ZNF385D: variants seen among roughly 807,000 people sequenced by gnomAD.
ZNF385D encodes the protein zinc finger protein 659.
Under a neutral mutation model 35.8 loss-of-function variants are expected in ZNF385D, and 15 were observed. That is an observed-to-expected ratio of 0.42 (90% CI 0.28 to 0.64). The LOEUF (loss-of-function observed/expected upper bound fraction) is 0.64. ZNF385D is among the 30% of genes least tolerant of loss of function. The pLI is 0.23. For synonymous variants in ZNF385D, 212 were observed against 186.8 expected (o/e 1.13, Z -1.10); for missense variants, 474 against 494.6 (o/e 0.96, Z 0.39).
chr3:22,252,623 C>T (rs1214113295), intron 2 of ZNF385D, among the ~76,000 whole-genome samples: 3 of 152,032 alleles, frequency 2.0e-5, no homozygotes, highest in Admixed American at 6.6e-5. Context: ...TTGACTAATG[C>T]TTTCTAGGTA....
At chr3:21,485,885 C>T (rs181803248) in intron 4 of ZNF385D, among the ~76,000 whole-genome samples, 18 of 145,390 alleles carry the variant, frequency 1.2e-4, no homozygotes, top group African/African-American at 4.2e-4. Context: ...CAAAAAAAAA[C>T]CCTTTATCTG....
intron 2 of ZNF385D, among the ~76,000 whole-genome samples, chr3:21,650,121 C>T (rs1171322890): frequency 1.3e-5 from 2 of 152,044 alleles, no homozygotes; most frequent in African/African-American, 4.8e-5. Flanking sequence ...ATCCTGGAAT[C>T]CTAGTATTTC....
intron 1 of ZNF385D, among the ~76,000 whole-genome samples, chr3:21,745,784 G>A (rs1460672663): frequency 6.6e-6 from 1 of 152,110 alleles, no homozygotes; most frequent in Admixed American, 6.5e-5. Context: ...GTAGAAATAG[G>A]CTTCTGCTTA....
chr3:21,443,035 GT>G (rs1701947348), intron 4 of ZNF385D: 1 of 748,726 alleles, frequency 1.3e-6, no homozygotes, highest in African/African-American at 1.9e-5. Context: ...AGCAGAAAAA[GT>G]CCCCCTGCTC....
At chr3:22,025,820 AG>A (rs1194844179) in intron 3 of ZNF385D, among the ~76,000 whole-genome samples, 3 of 152,150 alleles carry the variant, frequency 2.0e-5, no homozygotes, top group Non-Finnish European at 4.4e-5. Context: ...ATGCCTTGTG[AG>A]GGCAGCACCT....
At position 21,570,379 on chromosome 3, in the gene ZNF385D, A is replaced by G. The variant is rs544610093; in HGVS notation, c.166-5695T>C. On this transcript the variant is annotated intron_variant, in intron 2 of 7. Transcript: ENST00000281523. ...CTTCAAGTACAGCAGCCGCAGCTCA[A>G]GGTTCCCTTCTCTAGGACTGTTGTA... Among the ~76,000 whole-genome samples the G allele has an allele frequency of 4.5e-4, 68 of 152,288 alleles. 1 individual carries two copies. The highest frequency in any genetic ancestry group is 6.9e-4 in the Non-Finnish European group (47 of 68,026).
At chr3:22,169,180 C>T (rs185688516) in intron 2 of ZNF385D, 104 of 202,996 alleles carry the variant, frequency 5.1e-4, no homozygotes, top group African/African-American at 2.1e-3. Flanking sequence ...ATTGCTTTCA[C>T]ACTATGCTAA....
At chr3:21,708,331 G>A (rs2067981849) in intron 1 of ZNF385D, among the ~76,000 whole-genome samples, 2 of 152,304 alleles carry the variant, frequency 1.3e-5, no homozygotes, top group Middle Eastern at 3.4e-3. Flanking sequence ...AACACAATGA[G>A]GGTGGTGTTA....
At chr3:21,445,269 G>C (rs1469465577) in intron 4 of ZNF385D, among the ~76,000 whole-genome samples, 1 of 152,182 alleles carries the variant, frequency 6.6e-6, no homozygotes. Context: ...GAAAAAGACA[G>C]ATGTAAAAGG....
intron 2 of ZNF385D, among the ~76,000 whole-genome samples, chr3:22,301,649 C>T (rs1702908520): frequency 6.6e-6 from 1 of 151,880 alleles, no homozygotes. Context: ...AGGTACTTAC[C>T]AACAGGCTTA....
At chr3:22,161,757 A>G (rs1705967337) in intron 3 of ZNF385D, among the ~76,000 whole-genome samples, 1 of 152,192 alleles carries the variant, frequency 6.6e-6, no homozygotes. Context: ...GTTGTTGATG[A>G]AAATTTAAGG....
chr3:22,269,610 C>T (rs930964339), intron 2 of ZNF385D, among the ~76,000 whole-genome samples: 3 of 151,802 alleles, frequency 2.0e-5, no homozygotes, highest in African/African-American at 7.3e-5. Flanking sequence ...CAAGAAAATG[C>T]ACAGATTGAA....
chr3:22,005,237 G>C (rs1319327227), intron 3 of ZNF385D, among the ~76,000 whole-genome samples: 1 of 151,600 alleles, frequency 6.6e-6, no homozygotes, highest in Non-Finnish European at 1.5e-5. Flanking sequence ...CAATGAGATA[G>C]CATCTTATCC....
intron 3 of ZNF385D, among the ~76,000 whole-genome samples, chr3:21,781,815 G>A (rs2071499290): frequency 7.1e-6 from 1 of 140,130 alleles, no homozygotes; most frequent in Non-Finnish European, 1.6e-5. Flanking sequence ...TAGATTTCTG[G>A]CCCATAGGTC....
chr3:21,923,341 G>A (rs1223093401), intron 3 of ZNF385D, among the ~76,000 whole-genome samples: 1 of 151,998 alleles, frequency 6.6e-6, no homozygotes, highest in Non-Finnish European at 1.5e-5. Context: ...TGGCCATTAT[G>A]AAAAAGTCAA....
chr3:22,208,249 A>G (rs951847043), intron 2 of ZNF385D, among the ~76,000 whole-genome samples: 2 of 151,932 alleles, frequency 1.3e-5, no homozygotes, highest in Non-Finnish European at 2.9e-5. Flanking sequence ...ATGGAGAGCT[A>G]TTTGGTCATA....
intron 3 of ZNF385D, among the ~76,000 whole-genome samples, chr3:21,800,038 T>A (rs1377858381): frequency 6.6e-6 from 1 of 152,184 alleles, no homozygotes; most frequent in African/African-American, 2.4e-5. Context: ...TTTATTCTTG[T>A]TAAAAATCAG....
intron 3 of ZNF385D, among the ~76,000 whole-genome samples, chr3:21,868,342 C>A (rs1697496596): frequency 1.3e-5 from 2 of 152,080 alleles, no homozygotes; most frequent in African/African-American, 4.8e-5. Flanking sequence ...AAGACCCCTG[C>A]TCATGATAAT....
intron 3 of ZNF385D, among the ~76,000 whole-genome samples, chr3:22,003,511 C>A (rs139349923): frequency 6.6e-6 from 1 of 152,204 alleles, no homozygotes; most frequent in East Asian, 1.9e-4. Context: ...CAAAGGTATT[C>A]TCTATACTCA....
Sources: gnomAD v4.1 joint callset for allele counts (sites outside exome capture counted in the v4.1 genomes callset) on GRCh38, gnomAD v4.1.1 for gene constraint, MANE v1.5 for transcripts, NCBI Gene and HGNC (gene_info 2026-07-23, HGNC 2026-07-21) for gene names.